The following RBL2 variants were observed in gnomAD, a reference collection of about 807,000 sequenced individuals.
RBL2 encodes RB transcriptional corepressor like 2, also known as retinoblastoma-like protein 2.
RBL2 carries 56 observed loss-of-function variants against 126.0 expected under a neutral mutation model. That is an observed-to-expected ratio of 0.44 (90% CI 0.36 to 0.56). The LOEUF (loss-of-function observed/expected upper bound fraction) is 0.56, where lower values mean the gene tolerates loss of function less well. Ranked by LOEUF, RBL2 falls within the 20% of genes least tolerant of loss-of-function variation. The pLI is 0.00. For missense variants in RBL2, 1,229 were observed against 1,398.2 expected (o/e 0.88, Z 1.93); for synonymous variants, 454 against 478.5 (o/e 0.95, Z 0.67).
chr16:53,473,112 A>G (rs1174668152), intron 17 of RBL2, among the ~76,000 whole-genome samples: 1 of 152,124 alleles, frequency 6.6e-6, no homozygotes, highest in Non-Finnish European at 1.5e-5. Flanking sequence ...TTGCTTTCTT[A>G]TAAGTTTTGA....
At chr16:53,441,444 A>G (rs969103880) in intron 2 of RBL2, among the ~76,000 whole-genome samples, 1 of 152,238 alleles carries the variant, frequency 6.6e-6, no homozygotes, top group Non-Finnish European at 1.5e-5. Context: ...ATGTTTTGTT[A>G]TCATGGAATA....
intron 1 of RBL2, 92 bp from the exon 2 acceptor site, chr16:53,438,924 A>T: frequency 1.1e-6 from 1 of 888,616 alleles, no homozygotes; most frequent in South Asian, 2.7e-5. Flanking sequence ...CAAAAATATA[A>T]ACAACACTTT....
intron 12 of RBL2, 47 bp downstream of exon 12, chr16:53,464,410 A>G: frequency 6.9e-7 from 1 of 1,442,168 alleles, no homozygotes; most frequent in Non-Finnish European, 9.5e-7. Context: ...AGATGAGACC[A>G]ACTTCCTGTT....
chr16:53,466,897 A>G (rs1012081765), intron 13 of RBL2, 161 bp from the exon 14 acceptor site: 6 of 601,506 alleles, frequency 1.0e-5, no homozygotes, highest in African/African-American at 9.7e-5. Context: ...TTTGACTGCC[A>G]AAAGTTTTTT....
intron 13 of RBL2, 122 bp from the exon 14 acceptor site, chr16:53,466,936 A>C: frequency 5.6e-6 from 4 of 711,712 alleles, no homozygotes; most frequent in Non-Finnish European, 7.0e-6. Flanking sequence ...AATGGGAAAG[A>C]CAGCTGATTT....
intron 20 of RBL2, chr16:53,481,088 G>A: frequency 4.7e-6 from 1 of 211,212 alleles, no homozygotes; most frequent in Non-Finnish European, 9.6e-6. Flanking sequence ...GAACATGGGA[G>A]GCGGTGGTTG....
intron 7 of RBL2, 38 bp from the exon 8 acceptor site, chr16:53,454,618 G>A (rs754783157): frequency 4.0e-6 from 6 of 1,487,628 alleles, no homozygotes; most frequent in Non-Finnish European, 5.5e-6. Context: ...GCAGTTCTGT[G>A]AGAGAGTACA....
At position 53,479,959 on chromosome 16, in the gene RBL2, A is replaced by G. The variant is rs1430375264; in HGVS notation, c.2849A>G (p.Gln950Arg). The change falls in exon 19 of 22, where the codon CAG (glutamine) becomes CGG (arginine). Residue 950 changes from glutamine (Q) to arginine (R), a missense_variant. By Grantham distance (43) the Gln-to-Arg change is conservative (BLOSUM62 1). Coordinates refer to ENST00000262133, the MANE Select transcript of RBL2 (RefSeq NM_005611.4). ...GGCAGCAGTGATAGCAGAAGCCATC[A>G]GAATTCTCCAACAGAACTAAACAAA... The part of the protein sequence containing the change: ...NSGSSDSRSH[Q>R]NSPTELNKDR... 2 of 1,610,214 alleles carry G rather than the reference A, an allele frequency of 1.2e-6. No individual in the cohort carries two copies. Among genetic ancestry groups the G allele is most frequent in the Non-Finnish European group, 1.7e-6 (2 of 1,177,736 alleles).
intron 4 of RBL2, among the ~76,000 whole-genome samples, chr16:53,451,320 A>T (rs1354559680): frequency 1.3e-5 from 2 of 152,224 alleles, no homozygotes. Context: ...AGCCTGGGCA[A>T]CATAGCAAGA....
chr16:53,440,438 G>T (rs539582265), intron 2 of RBL2, among the ~76,000 whole-genome samples: 43 of 152,122 alleles, frequency 2.8e-4, no homozygotes, highest in African/African-American at 9.4e-4. Flanking sequence ...TACTAACAGG[G>T]TTAATAAAAT....
intron 13 of RBL2, among the ~76,000 whole-genome samples, chr16:53,466,305 C>T (rs2058271978): frequency 6.6e-6 from 1 of 151,976 alleles, no homozygotes; most frequent in African/African-American, 2.4e-5. Flanking sequence ...TTTTTGGCAC[C>T]AAGGACCAGT....
intron 9 of RBL2, among the ~76,000 whole-genome samples, chr16:53,460,781 C>T (rs1757638802): frequency 6.6e-6 from 1 of 151,950 alleles, no homozygotes; most frequent in Admixed American, 6.6e-5. Flanking sequence ...GATTTTTATT[C>T]TCTTTATAAT....
In RBL2 at chr16:53,490,429, T is replaced by A; in HGVS notation, c.*129T>A. On this transcript the variant is annotated 3_prime_UTR_variant, in exon 22 of 22. Coordinates refer to ENST00000262133, the MANE Select transcript of RBL2 (RefSeq NM_005611.4). The stretch of plus-strand genomic sequence containing the variant: ...GCCTGTTAGTAACATGAGGGGACAT[T>A]TTGGTGAGAAATGGGACTTAACTCC... 1 of 755,284 alleles carries A rather than the reference T, an allele frequency of 1.3e-6. No homozygotes were observed. The highest frequency in any genetic ancestry group is 2.0e-6 in the Non-Finnish European group (1 of 509,580). The allele number at this position is 755,284 out of a possible 1,614,324, so 46.8% of individuals were successfully genotyped here.
In RBL2 at chr16:53,434,670, C is replaced by G. The variant is rs1275561911; in HGVS notation, c.114C>G (p.Ala38=). The change falls in exon 1 of 22, where the codon GCC becomes GCG. Residue 38 remains alanine (A), a synonymous_variant. Transcript: ENST00000262133. ...DGEAEDAAPP[A]ESPTPQIQQR... ...AGGCGGAAGACGCCGCGCCGCCTGCCGAGTCGCCCACCCCTCAGATCCAGC... is the reference window on the plus strand; with the variant it reads ...AGGCGGAAGACGCCGCGCCGCCTGCGGAGTCGCCCACCCCTCAGATCCAGC... 1.3e-6 allele frequency: 2 copies of G among 1,572,490 alleles called. No individual in the cohort carries two copies. The highest frequency in any genetic ancestry group is 3.6e-5 in the Admixed American group (2 of 55,618).
At chr16:53,480,860 G>A (rs955725513) in intron 20 of RBL2, 91 bp downstream of exon 20, 50 of 1,297,874 alleles carry the variant, frequency 3.9e-5, no homozygotes, top group East Asian at 2.7e-4. Context: ...CACCTGGTCC[G>A]TATATAAACT....
In RBL2 at chr16:53,464,282, C is replaced by T. The variant is rs779820303; in HGVS notation, c.1617C>T (p.Val539=). ...CTCTCTTGGCCTGCTGCCTTGAGGT[C>T]GTCACTTTTTCTTATAAGCCTCCTG... ...HRSLLACCLE[V]VTFSYKPPGN... The change falls in exon 12 of 22, where the codon GTC becomes GTT. Residue 539 remains valine, a synonymous_variant. Coordinates refer to ENST00000262133, the MANE Select transcript of RBL2 (RefSeq NM_005611.4). 1.4e-5 allele frequency: 23 copies of T among 1,601,988 alleles called. No individual in the cohort carries two copies. The highest frequency in any genetic ancestry group is 2.2e-5 in the South Asian group (2 of 90,674).
chr16:53,462,143 T>C (rs759568700), intron 10 of RBL2, among the ~76,000 whole-genome samples: 4 of 152,168 alleles, frequency 2.6e-5, no homozygotes, highest in African/African-American at 7.2e-5. Context: ...CTTCAACATA[T>C]TGAGAATAAG....
intron 9 of RBL2, among the ~76,000 whole-genome samples, chr16:53,460,879 C>G (rs1372343616): frequency 6.6e-6 from 1 of 151,970 alleles, no homozygotes; most frequent in African/African-American, 2.4e-5. Context: ...TTACAAAAAG[C>G]TTACATGGTG....
chr16:53,454,946 TGAA>T, intron 8 of RBL2, 104 bp downstream of exon 8: 1 of 969,606 alleles, frequency 1.0e-6, no homozygotes, highest in Non-Finnish European at 1.4e-6. Context: ...GCCTACAGTA[TGAA>T]GGAGAAAATT....
Sources: allele counts gnomAD v4.1 joint callset (sites outside exome capture counted in the v4.1 genomes callset), GRCh38; gene constraint gnomAD v4.1.1; transcripts MANE v1.5; gene names NCBI Gene and HGNC (gene_info 2026-07-23, HGNC 2026-07-21).